Variants in SATB2 observed in about 807,000 individuals in gnomAD.
The protein encoded by SATB2 is SATB homeobox 2, also known as DNA-binding protein SATB2.
Under a neutral mutation model 73.4 loss-of-function variants are expected in SATB2, and 1 was observed. That is an observed-to-expected ratio of 0.01 (90% CI 0.00 to 0.06). The LOEUF is 0.06. SATB2 is among the 10% of genes least tolerant of loss of function. The probability of loss-of-function intolerance (pLI) is 1.00; values close to 1 mark genes in which losing one functional copy is unlikely to be tolerated. For synonymous variants in SATB2, 397 were observed against 367.0 expected (o/e 1.08, Z -0.93); for missense variants, 459 against 945.8 (o/e 0.49, Z 6.75).
chr2:199,307,272 C>A (rs892093184), intron 10 of SATB2, among the ~76,000 whole-genome samples: 6 of 152,146 alleles, frequency 3.9e-5, no homozygotes, highest in Admixed American at 1.3e-4. Flanking sequence ...TAAAACTTTT[C>A]AAATAAATTT....
chr2:199,364,166 A>G (rs1396499517), intron 6 of SATB2, among the ~76,000 whole-genome samples: 1 of 152,216 alleles, frequency 6.6e-6, no homozygotes, highest in African/African-American at 2.4e-5. Context: ...TTTTGAGTAC[A>G]AGAGGTGCTT....
upstream of SATB2, among the ~76,000 whole-genome samples, chr2:199,469,324 C>T (rs544505958): frequency 1.3e-4 from 20 of 152,280 alleles, no homozygotes; most frequent in Non-Finnish European, 2.5e-4. Context: ...CCCTCAGCTC[C>T]GAGGTCTTCC....
At position 199,446,554 on chromosome 2, in the gene SATB2, C is replaced by G. The variant is rs573561390; in HGVS notation, c.169+9315G>C. ...CTTCCAAGGCAAAAAGACATTATGCCAAGTTCCACCCAGAATTAATGTTTA... is the reference window on the plus strand; with the variant it reads ...CTTCCAAGGCAAAAAGACATTATGCGAAGTTCCACCCAGAATTAATGTTTA... On this transcript the variant is annotated intron_variant, in intron 2 of 10. Transcript: ENST00000417098. Among the ~76,000 whole-genome samples, 67 of 152,158 alleles carry G rather than the reference C, an allele frequency of 4.4e-4. 1 individual carries two copies. The highest frequency in any genetic ancestry group is 1.6e-3 in the African/African-American group (65 of 41,514).
intron 7 of SATB2, among the ~76,000 whole-genome samples, chr2:199,334,396 C>T (rs1051875133): frequency 3.3e-5 from 5 of 152,098 alleles, no homozygotes; most frequent in African/African-American, 1.2e-4. Context: ...TTACATATTG[C>T]TTTAAACAAT....
At chr2:199,417,299 A>C (rs1443615426) in intron 3 of SATB2, among the ~76,000 whole-genome samples, 19 of 152,136 alleles carry the variant, frequency 1.2e-4, no homozygotes. Context: ...TTCAGTTCTC[A>C]TTACATTCAA....
At chr2:199,450,265 ACATTT>A (rs1266085442) in intron 2 of SATB2, among the ~76,000 whole-genome samples, 1 of 152,148 alleles carries the variant, frequency 6.6e-6, no homozygotes, top group Non-Finnish European at 1.5e-5. Context: ...GATGATGCCA[ACATTT>A]CATTTGTCAT....
At chr2:199,458,327 G>A (rs950783906), upstream of SATB2, 1 of 245,796 alleles carries the variant, frequency 4.1e-6, no homozygotes, top group Non-Finnish European at 8.2e-6. Context: ...GAAGGAGGCA[G>A]AGGGACAGGC....
intron 3 of SATB2, among the ~76,000 whole-genome samples, chr2:199,429,207 T>C (rs1032802682): frequency 4.6e-5 from 7 of 152,260 alleles, no homozygotes. Flanking sequence ...TTATCAAAAT[T>C]GGGGAATAAG....
At chr2:199,341,448 G>C (rs1688504160) in intron 7 of SATB2, among the ~76,000 whole-genome samples, 1 of 152,154 alleles carries the variant, frequency 6.6e-6, no homozygotes. Context: ...ACCCAGTAAG[G>C]ACAGTTTTCA....
chr2:199,272,605 G>T lies in SATB2; in HGVS notation c.1808C>A (p.Pro603Gln). Residue 603 changes from proline (P) to glutamine (Q), a missense_variant, in exon 11 of 11, where the codon CCA (proline) becomes CAA (glutamine). Around this residue, in one of 13 missense-constraint regions of SATB2, gnomAD observed 74 missense variants for 136.1 expected, o/e 0.54. Coordinates refer to ENST00000417098, the MANE Select transcript of SATB2 (RefSeq NM_001172509.2). This position sits in a 1 kb window ranked among gnomAD's most constrained non-coding sequence, Gnocchi z 6.7. Reference sequence around the variant, plus strand: ...ACAACTGTCTTCAGTCGGAGGAGGTGGGGGAGGCGCTTCTTCTCTGGGAGG... The same window carrying T: ...ACAACTGTCTTCAGTCGGAGGAGGTTGGGGAGGCGCTTCTTCTCTGGGAGG... ...SSPPREEAPPPPPPTEDSCAK... is the reference protein window; with the variant it reads ...SSPPREEAPPQPPPTEDSCAK... 2 of 1,614,122 alleles carry T rather than the reference G, an allele frequency of 1.2e-6. No homozygotes were observed. The highest frequency in any genetic ancestry group is 1.7e-6 in the Non-Finnish European group (2 of 1,180,014).
rs544933988 is a variant in SATB2, at chr2:199,379,580, C to CTGT, written c.597+781_597+783dup. On this transcript the variant is annotated intron_variant, in intron 5 of 10. Transcript: ENST00000417098. Reference sequence around the variant, plus strand: ...TGAATGTAAGTGCTTCTCTAAGCTCCTGTTTCTTGATCTATAAAATGGAGA... The same window carrying CTGT: ...TGAATGTAAGTGCTTCTCTAAGCTCCTGTTGTTTCTTGATCTATAAAATGGAGA... Among the ~76,000 whole-genome samples the CTGT allele has an allele frequency of 2.8e-4, 43 of 152,156 alleles. No individual in the cohort carries two copies. In the East Asian group the frequency reaches 7.4e-3, roughly 26 times the overall value.
At chr2:199,446,318 C>T (rs1691961706) in intron 2 of SATB2, among the ~76,000 whole-genome samples, 1 of 152,152 alleles carries the variant, frequency 6.6e-6, no homozygotes, top group Non-Finnish European at 1.5e-5. Context: ...CACAGAACTT[C>T]CTTGTTAATA....
At chr2:199,437,826 G>A (rs1691697179) in intron 2 of SATB2, among the ~76,000 whole-genome samples, 1 of 151,698 alleles carries the variant, frequency 6.6e-6, no homozygotes, top group African/African-American at 2.4e-5. Context: ...TTTTTTTCAA[G>A]GCCTATAATC....
chr2:199,425,569 C>T (rs1442562524), intron 3 of SATB2, among the ~76,000 whole-genome samples: 15 of 152,194 alleles, frequency 9.9e-5, no homozygotes, highest in Middle Eastern at 3.4e-3. Flanking sequence ...ACAGCTTTTA[C>T]CCCCAAGCAC....
intron 3 of SATB2, among the ~76,000 whole-genome samples, chr2:199,415,201 T>C (rs1202431855): frequency 6.6e-6 from 1 of 152,224 alleles, no homozygotes; most frequent in East Asian, 1.9e-4. Context: ...ATACTTCACA[T>C]ATGTGTGACT....
At chr2:199,335,304 C>T (rs931996207) in intron 7 of SATB2, among the ~76,000 whole-genome samples, 1 of 152,096 alleles carries the variant, frequency 6.6e-6, no homozygotes, top group East Asian at 1.9e-4. Context: ...TTAATGTATT[C>T]TGCAAATATA....
chr2:199,443,699 G>A (rs988358812), intron 2 of SATB2, among the ~76,000 whole-genome samples: 7 of 152,102 alleles, frequency 4.6e-5, no homozygotes, highest in African/African-American at 1.7e-4. Context: ...TAAGCAGACA[G>A]GCAACTACCA....
chr2:199,339,285 C>T (rs1240056259), intron 7 of SATB2, among the ~76,000 whole-genome samples: 1 of 152,060 alleles, frequency 6.6e-6, no homozygotes, highest in African/African-American at 2.4e-5. Flanking sequence ...ACAGGGCTAC[C>T]CTCAAGCAAT....
intron 4 of SATB2, 146 bp downstream of exon 4, chr2:199,381,548 C>T: frequency 8.7e-7 from 1 of 1,151,294 alleles, no homozygotes; most frequent in Admixed American, 1.8e-5. Context: ...CCTTCTCCTT[C>T]TCTCCTTCTT....
Sources: gnomAD v4.1 joint callset for allele counts (sites outside exome capture counted in the v4.1 genomes callset) on GRCh38, gnomAD v4.1.1 for gene constraint, gnomAD v4.1.1 regional missense constraint, Gnocchi (gnomAD v3.1) non-coding constraint, MANE v1.5 for transcripts, NCBI Gene and HGNC (gene_info 2026-07-23, HGNC 2026-07-21) for gene names.